The following PKHD1L1 variants were observed in gnomAD, a reference collection of about 807,000 sequenced individuals.
PKHD1L1 encodes the protein PKHD1 like 1, also known as fibrocystin-L.
PKHD1L1 carries 434 observed loss-of-function variants against 462.9 expected under a neutral mutation model. That is an observed-to-expected ratio of 0.94 (90% confidence interval 0.87 to 1.02). PKHD1L1 has a LOEUF of 1.02. Among genes scored for constraint, PKHD1L1 ranks in the 50% least tolerant of loss-of-function variants. The pLI, the probability that PKHD1L1 is intolerant of heterozygous loss-of-function variation, is 0.00. For synonymous variants in PKHD1L1, 1,781 were observed against 1,750.0 expected, an observed-to-expected ratio of 1.02 and a Z score of -0.44; for missense variants, 5,202 against 5,096.1, an observed-to-expected ratio of 1.02 and a Z score of -0.63.
chr8:109,452,138 A>T lies in PKHD1L1; in HGVS notation c.6365A>T (p.Asp2122Val). ...VGSGFSENME[D>V]VHITIAEAKC... ...CTTTTTTACAGTGAAAATATGGAGG[A>T]TGTTCATATCACCATAGCTGAAGCC... is the stretch of plus-strand genomic sequence containing the variant. Residue 2122 changes from aspartate (D) to valine (V), a missense_variant, in exon 42 of 78, where the codon GAT (aspartate) becomes GTT (valine). Asp to Val is a radical substitution (Grantham distance 152). This residue lies in a region of PKHD1L1 where 4,497 missense variants were observed against 4,336.8 expected (regional missense o/e 1.04). Coordinates refer to ENST00000378402, the MANE Select transcript of PKHD1L1 (RefSeq NM_177531.6). 6.2e-7 allele frequency: 1 copy of T among 1,609,550 alleles called. No individual in the cohort carries two copies. The highest frequency in any genetic ancestry group is 8.5e-7 in the Non-Finnish European group (1 of 1,178,158).
intron 2 of PKHD1L1, among the ~76,000 whole-genome samples, chr8:109,365,942 C>A (rs1811208989): frequency 6.6e-6 from 1 of 152,136 alleles, no homozygotes; most frequent in Non-Finnish European, 1.5e-5. Context: ...CCACTGTACT[C>A]CAGCCTGGCG....
In PKHD1L1 at chr8:109,491,002, G is replaced by C; in HGVS notation, c.10015G>C (p.Gly3339Arg). 1.9e-6 allele frequency: 3 copies of C among 1,608,862 alleles called. No individual in the cohort carries two copies. The highest frequency in any genetic ancestry group is 2.6e-6 in the Non-Finnish European group (3 of 1,176,364). The change falls in exon 61 of 78, where the codon GGC becomes CGC. Residue 3339 changes from glycine (G) to arginine (R), a missense_variant. Around this residue, in one of 3 missense-constraint regions of PKHD1L1, gnomAD observed 4,497 missense variants for 4,336.8 expected, o/e 1.04. Coordinates refer to ENST00000378402, the MANE Select transcript of PKHD1L1 (RefSeq NM_177531.6). ...AGAACATGGCTCATCTTATATTCGA[G>C]GCTGTGCTTTTCACCATGGCTTCTC... Reference protein sequence around the residue: ...IQEHGSSYIRGCAFHHGFSPA... With the variant: ...IQEHGSSYIRRCAFHHGFSPA...
chr8:109,394,776 G>A (rs977169625), intron 10 of PKHD1L1, among the ~76,000 whole-genome samples: 4 of 152,094 alleles, frequency 2.6e-5, no homozygotes, highest in Non-Finnish European at 5.9e-5. Flanking sequence ...GGTAGAGGGA[G>A]GGAAAAAATC....
chr8:109,467,553 C>T (rs1817514408), intron 50 of PKHD1L1, among the ~76,000 whole-genome samples: 1 of 152,076 alleles, frequency 6.6e-6, no homozygotes, highest in South Asian at 2.1e-4. Context: ...TGTGGGAATT[C>T]TTCCAGTTAT....
chr8:109,385,889 C>T (rs1324054382), intron 6 of PKHD1L1, among the ~76,000 whole-genome samples: 3 of 151,980 alleles, frequency 2.0e-5, no homozygotes, highest in Non-Finnish European at 2.9e-5. Context: ...AGAAGAAACA[C>T]ACAGACAAGT....
chr8:109,454,061 T>A, intron 43 of PKHD1L1, 106 bp from the exon 44 acceptor site: 1 of 618,336 alleles, frequency 1.6e-6, no homozygotes, highest in Non-Finnish European at 2.7e-6. Context: ...AAATTTTAAT[T>A]TAATGTATAA....
chr8:109,408,369 T>C (rs1813671134), intron 18 of PKHD1L1, among the ~76,000 whole-genome samples, 163 bp downstream of exon 18: 1 of 152,174 alleles, frequency 6.6e-6, no homozygotes. Context: ...TGTGATACTT[T>C]TATCTGAAAG....
chr8:109,404,092 G>A (rs1813406806), intron 14 of PKHD1L1, among the ~76,000 whole-genome samples: 1 of 152,114 alleles, frequency 6.6e-6, no homozygotes, highest in African/African-American at 2.4e-5. Context: ...TACAAATGGA[G>A]CCAAATTTAA....
chr8:109,418,304 T>C (rs1814288964), intron 21 of PKHD1L1, among the ~76,000 whole-genome samples: 1 of 152,162 alleles, frequency 6.6e-6, no homozygotes, highest in Non-Finnish European at 1.5e-5. Flanking sequence ...AACTGATATG[T>C]GTAGTCTAAT....
chr8:109,433,342 T>G (rs1815216795), intron 28 of PKHD1L1, 126 bp downstream of exon 28: 2 of 843,172 alleles, frequency 2.4e-6, no homozygotes, highest in Admixed American at 4.6e-5. Context: ...ATTATCATGA[T>G]CCCTATGGGG....
At chr8:109,483,420 T>A (rs1463069189) in intron 57 of PKHD1L1, among the ~76,000 whole-genome samples, 1 of 149,204 alleles carries the variant, frequency 6.7e-6, no homozygotes, top group Non-Finnish European at 1.5e-5. Flanking sequence ...TATAGATTAG[T>A]CATACAATAT....
Position 109,390,460 on chromosome 8 carries a change from A to G in PKHD1L1, c.706A>G (p.Asn236Asp). The G allele has an allele frequency of 6.9e-7, 1 of 1,446,432 alleles. No individual in the cohort carries two copies. Among genetic ancestry groups the G allele is most frequent in the Non-Finnish European group, 9.3e-7 (1 of 1,076,544 alleles). 89.6% of individuals were successfully genotyped at this position (1,446,432 alleles called of 1,614,324 possible). ...TTTTCATTAAATTCCAGGTCATCACAATGTCAGCTTCATCTTAGATAATGA... is the reference window on the plus strand; with the variant it reads ...TTTTCATTAAATTCCAGGTCATCACGATGTCAGCTTCATCTTAGATAATGA... ...KTTGTFIGHH[N>D]VSFILDNDYG... The change falls in exon 9 of 78, where the codon AAT becomes GAT. Residue 236 changes from asparagine (N) to aspartate (D), a missense_variant. Coordinates refer to ENST00000378402, the MANE Select transcript of PKHD1L1 (RefSeq NM_177531.6).
At chr8:109,487,359 T>A (rs1273943438) in intron 59 of PKHD1L1, among the ~76,000 whole-genome samples, 2 of 152,012 alleles carry the variant, frequency 1.3e-5, no homozygotes, top group Admixed American at 6.6e-5. Context: ...TCAACAAATA[T>A]CAGACCTAAA....
chr8:109,420,577 C>T lies in PKHD1L1; in HGVS notation c.2584C>T (p.Gln862Ter). The change falls in exon 23 of 78, where the codon CAG becomes TAG. Residue 862 changes from glutamine (Q) to a stop codon, truncating the protein, a stop_gained. Transcript: ENST00000378402. LOFTEE classifies it high-confidence loss of function. ...ANKGIFLEHF[Q>*]VNQTKTNGPT... ...TAAAGGAATATTCTTAGAGCACTTT[C>T]AGGTGAATCAGACCAAAACAAATGG... 6.2e-7 allele frequency: 1 copy of T among 1,610,020 alleles called. No individual in the cohort carries two copies. The highest frequency in any genetic ancestry group is 8.5e-7 in the Non-Finnish European group (1 of 1,178,210).
At chr8:109,374,075 G>A (rs368724499) in intron 2 of PKHD1L1, among the ~76,000 whole-genome samples, 13 of 152,166 alleles carry the variant, frequency 8.5e-5, no homozygotes, top group South Asian at 4.1e-4. Flanking sequence ...TTTCTGTCTC[G>A]TTGATCTGTC....
rs759960482 is a variant in PKHD1L1, at chr8:109,441,990, T to C, written c.4205-17T>C. 3.9e-6 allele frequency: 6 copies of C among 1,535,472 alleles called. No individual in the cohort carries two copies. The highest frequency in any genetic ancestry group is 2.2e-5 in the Admixed American group (1 of 45,566). ...TTCTCTTTTTCTTTTAAAATATTAC[T>C]CAATTCTTGCCCCCAGTACATGGAT... On this transcript the variant is annotated splice_polypyrimidine_tract_variant and intron_variant, in intron 34 of 77. Coordinates refer to ENST00000378402, the MANE Select transcript of PKHD1L1 (RefSeq NM_177531.6).
At position 109,530,366 on chromosome 8, in the gene PKHD1L1, C is replaced by CCAACAAATCATAGAATCCTT. The variant is rs1314149411; in HGVS notation, c.*277_*296dup. 1.9e-5 allele frequency: 4 copies of CCAACAAATCATAGAATCCTT among 208,644 alleles called. No individual in the cohort carries two copies. Among genetic ancestry groups the CCAACAAATCATAGAATCCTT allele is most frequent in the Non-Finnish European group, 3.8e-5 (4 of 104,054 alleles). 12.9% of individuals were successfully genotyped at this position (208,644 alleles called of 1,614,324 possible). On this transcript the variant is annotated 3_prime_UTR_variant, in exon 78 of 78. Transcript: ENST00000378402. ...GATATGACACCTCTAAGTTATTGTA[C>CCAACAAATCATAGAATCCTT]CAACAAATCATAGAATCCTTTAAAT...
At chr8:109,468,842 C>G (rs1817577495) in intron 50 of PKHD1L1, among the ~76,000 whole-genome samples, 1 of 152,162 alleles carries the variant, frequency 6.6e-6, no homozygotes, top group South Asian at 2.1e-4. Flanking sequence ...CTCTTTCACT[C>G]AGTGGTGGGG....
At position 109,465,072 on chromosome 8, in the gene PKHD1L1, A is replaced by C. The variant is rs1817363248; in HGVS notation, c.8240A>C (p.Asp2747Ala). ...TVSSVHFMNF[D>A]RPNCVALGVT... ...TCTTCTGTGCACTTTATGAACTTTG[A>C]CCGTCCCAACTGTGTAGCTTTGGGA... The change falls in exon 49 of 78, where the codon GAC (aspartate) becomes GCC (alanine). Residue 2747 changes from aspartate to alanine, a missense_variant. This residue lies in a region of PKHD1L1 where 4,497 missense variants were observed against 4,336.8 expected (regional missense o/e 1.04). Coordinates refer to ENST00000378402, the MANE Select transcript of PKHD1L1 (RefSeq NM_177531.6). 6.2e-7 allele frequency: 1 copy of C among 1,613,748 alleles called. No homozygotes were observed.
Sources: allele counts gnomAD v4.1 joint callset (sites outside exome capture counted in the v4.1 genomes callset), GRCh38; gene constraint gnomAD v4.1.1; regional missense constraint gnomAD v4.1.1; transcripts MANE v1.5; gene names NCBI Gene and HGNC (gene_info 2026-07-23, HGNC 2026-07-21).